The following SUGCT variants were observed in gnomAD, a reference collection of about 807,000 sequenced individuals.
SUGCT encodes the protein succinyl-CoA:glutarate-CoA transferase, also known as succinyl-CoA:glutarate CoA-transferase.
Under a neutral mutation model 55.0 loss-of-function variants are expected in SUGCT, and 41 were observed. The ratio of observed to expected loss-of-function variants is 0.74; its 90% CI spans 0.58 to 0.97. SUGCT has a LOEUF of 0.97. Among genes scored for constraint, SUGCT ranks in the 50% least tolerant of loss-of-function variants. The pLI is 0.00. For missense variants in SUGCT, 568 were observed against 547.8 expected, an observed-to-expected ratio of 1.04 and a Z score of -0.37; for synonymous variants, 187 against 200.4, an observed-to-expected ratio of 0.93 and a Z score of 0.56.
Position 40,208,598 on chromosome 7 carries a change from G to T in SUGCT, c.484+13538G>T, listed in dbSNP as rs373653830. Among the ~76,000 whole-genome samples, 24 of 151,938 alleles carry T rather than the reference G, an allele frequency of 1.6e-4. No homozygotes were observed. In the East Asian group the frequency reaches 4.3e-3, roughly 27 times the overall value. On this transcript the variant is annotated intron_variant, in intron 6 of 13. Transcript: ENST00000335693. The stretch of plus-strand genomic sequence containing the variant: ...CTTGCTCTGTTGCCCAGGCTGGAGT[G>T]CAGTGGTGCGATCTCGGCTCACTGC...
chr7:40,764,658 A>G (rs926095391), intron 13 of SUGCT, among the ~76,000 whole-genome samples: 1 of 152,210 alleles, frequency 6.6e-6, no homozygotes, highest in Non-Finnish European at 1.5e-5. Flanking sequence ...GAAACCAAAC[A>G]ATATAATCCC....
chr7:40,785,310 A>G (rs1412922641), intron 13 of SUGCT: 1 of 152,218 alleles, frequency 6.6e-6, no homozygotes, highest in Admixed American at 6.5e-5. Context: ...GCTCAGTGAA[A>G]TGAATTTTGA....
At chr7:40,933,921 C>T in the SUGCT span, among the ~76,000 whole-genome samples, 866 of 152,122 alleles carry the variant, frequency 5.7e-3, 8 homozygotes, top group African/African-American at 0.02. Flanking sequence ...ACCGACCTTC[C>T]GAAGCCTACT....
chr7:40,677,039 A>T (rs1473623377), intron 12 of SUGCT, among the ~76,000 whole-genome samples: 1 of 152,050 alleles, frequency 6.6e-6, no homozygotes, highest in Non-Finnish European at 1.5e-5. Flanking sequence ...TATGTATGGA[A>T]AAATAAGCTG....
At chr7:40,587,152 A>G (rs1409916342) in intron 12 of SUGCT, among the ~76,000 whole-genome samples, 3 of 152,264 alleles carry the variant, frequency 2.0e-5, no homozygotes, top group African/African-American at 7.2e-5. Flanking sequence ...GGCAGGGATT[A>G]ACTATAAAGA....
the SUGCT span, among the ~76,000 whole-genome samples, chr7:40,898,462 C>G: frequency 1.0e-5 from 1 of 97,916 alleles, no homozygotes; most frequent in East Asian, 2.9e-4. Flanking sequence ...CGCCTGTAAT[C>G]CCAGCACTCC....
chr7:40,266,185 C>CT (rs10685507), intron 7 of SUGCT, among the ~76,000 whole-genome samples: 46,323 of 115,790 alleles, frequency 0.4, 10,006 homozygotes, highest in East Asian at 0.5. Context: ...CTTTCCTTTC[C>CT]TTTTTTTTTT....
rs1417710020 is a variant in SUGCT, at chr7:40,498,165, G to A, written c.1089+1779G>A. Among the ~76,000 whole-genome samples, 3 of 152,114 alleles carry A rather than the reference G, an allele frequency of 2.0e-5. No individual in the cohort carries two copies. In the East Asian group the frequency reaches 5.8e-4, roughly 29 times the overall value. On this transcript the variant is annotated intron_variant, in intron 12 of 13. Transcript: ENST00000335693. ...TTATATTACCTAAGTCAACGTACAAGCTTTTCATACTATTACAAATGTCTC... is the reference window on the plus strand; with the variant it reads ...TTATATTACCTAAGTCAACGTACAAACTTTTCATACTATTACAAATGTCTC...
intron 9 of SUGCT, among the ~76,000 whole-genome samples, chr7:40,320,810 T>G (rs1207649769): frequency 1.3e-5 from 2 of 152,210 alleles, no homozygotes. Flanking sequence ...AATTAGATTT[T>G]AGAGCATACA....
chr7:40,576,844 C>G (rs1796796038), intron 12 of SUGCT, among the ~76,000 whole-genome samples: 1 of 152,194 alleles, frequency 6.6e-6, no homozygotes, highest in African/African-American at 2.4e-5. Flanking sequence ...CCTCTAATAG[C>G]AGATGCTCAA....
chr7:40,444,430 G>T (rs568365534), intron 9 of SUGCT, among the ~76,000 whole-genome samples: 2 of 152,024 alleles, frequency 1.3e-5, no homozygotes, highest in Admixed American at 6.6e-5. Context: ...CCTTGAAGAG[G>T]TCCTTCACAT....
intron 12 of SUGCT, among the ~76,000 whole-genome samples, chr7:40,692,282 G>A (rs550488567): frequency 1.2e-4 from 18 of 152,250 alleles, no homozygotes; most frequent in African/African-American, 3.9e-4. Flanking sequence ...GCAGATACTC[G>A]GTTCTATAAA....
intron 7 of SUGCT, among the ~76,000 whole-genome samples, chr7:40,272,636 A>T (rs1168804205): frequency 6.7e-6 from 1 of 150,248 alleles, no homozygotes; most frequent in Non-Finnish European, 1.5e-5. Context: ...TTGCTGGATC[A>T]TATGGTATTA....
chr7:40,157,688 T>C (rs1783965048), intron 1 of SUGCT, among the ~76,000 whole-genome samples: 1 of 152,234 alleles, frequency 6.6e-6, no homozygotes, highest in Non-Finnish European at 1.5e-5. Context: ...GTTTTCCTTA[T>C]AGAGGTGCTT....
chr7:40,401,490 C>T (rs572423120), intron 9 of SUGCT, among the ~76,000 whole-genome samples: 19 of 152,240 alleles, frequency 1.2e-4, no homozygotes, highest in Middle Eastern at 3.4e-3. Flanking sequence ...AATTTATTTA[C>T]GTAGGCAAGA....
intron 9 of SUGCT, among the ~76,000 whole-genome samples, chr7:40,344,365 G>T (rs539343719): frequency 1.1e-4 from 17 of 151,752 alleles, no homozygotes; most frequent in Admixed American, 4.6e-4. Flanking sequence ...TTTCATTTTC[G>T]ATATTGCAGG....
chr7:40,957,973 C>T, the SUGCT span, among the ~76,000 whole-genome samples: 35 of 152,068 alleles, frequency 2.3e-4, no homozygotes, highest in African/African-American at 8.2e-4. Flanking sequence ...TTTTCTTTAA[C>T]AATGTTGCAT....
chr7:40,958,426 A>T, the SUGCT span, among the ~76,000 whole-genome samples: 3 of 151,352 alleles, frequency 2.0e-5, no homozygotes, highest in African/African-American at 7.3e-5. Flanking sequence ...TTCAACCTCG[A>T]TATCCTTTCT....
At chr7:40,297,771 A>C (rs1055294247) in intron 8 of SUGCT, among the ~76,000 whole-genome samples, 2 of 152,102 alleles carry the variant, frequency 1.3e-5, no homozygotes, top group Admixed American at 1.3e-4. Flanking sequence ...TTGACTCTAA[A>C]CTACATCATT....
Sources: allele counts gnomAD v4.1 joint callset (sites outside exome capture counted in the v4.1 genomes callset), GRCh38; gene constraint gnomAD v4.1.1; transcripts MANE v1.5; gene names NCBI Gene and HGNC (gene_info 2026-07-23, HGNC 2026-07-21).